Variants in KCNMA1 observed in about 807,000 individuals in gnomAD.
KCNMA1 encodes the protein potassium calcium-activated channel subfamily M alpha 1.
Under a neutral mutation model 140.0 loss-of-function variants are expected in KCNMA1, and 29 were observed. The ratio of observed to expected loss-of-function variants is 0.21; its 90% CI spans 0.15 to 0.28. The LOEUF is 0.28. Ranked by LOEUF, KCNMA1 falls within the 10% of genes least tolerant of loss-of-function variation. KCNMA1 has a pLI of 1.00. For missense variants in KCNMA1, 880 were observed against 1,602.2 expected (o/e 0.55, Z 7.70); for synonymous variants, 612 against 611.9 (o/e 1.00, Z 0.00).
In KCNMA1 at chr10:77,633,070, A is replaced by G. The variant is rs189260193; in HGVS notation, c.378+4195T>C. ...CGTGCCTCACGCCTGTAATCCCAGC[A>G]CTTTGGGAGGCCAAGGTGGGCGAAT... On this transcript the variant is annotated intron_variant, in intron 1 of 27. Coordinates refer to ENST00000286628, the MANE Select transcript of KCNMA1 (RefSeq NM_001161352.2). Among the ~76,000 whole-genome samples, 608 of 152,352 alleles carry G rather than the reference A, an allele frequency of 4.0e-3. 1 individual carries two copies. Among genetic ancestry groups the G allele is most frequent in the Non-Finnish European group, 7.3e-3 (494 of 68,038 alleles).
At chr10:77,502,371 T>G (rs577341231) in intron 1 of KCNMA1, among the ~76,000 whole-genome samples, 1 of 152,354 alleles carries the variant, frequency 6.6e-6, no homozygotes, top group African/African-American at 2.4e-5. Flanking sequence ...CACCCACCTC[T>G]GAATCCACCT....
At chr10:77,086,904 G>T (rs927390471) in intron 10 of KCNMA1, among the ~76,000 whole-genome samples, 1 of 152,338 alleles carries the variant, frequency 6.6e-6, no homozygotes, top group Admixed American at 6.5e-5. Context: ...GCTGGGCTGC[G>T]CCACTAGTGG....
Position 77,135,520 on chromosome 10 carries a change from A to G in KCNMA1, c.809-14472T>C, listed in dbSNP as rs2097993274. Among the ~76,000 whole-genome samples, 4 of 152,214 alleles carry G rather than the reference A, an allele frequency of 2.6e-5. No individual in the cohort carries two copies. In the South Asian group the frequency reaches 8.3e-4, roughly 32 times the overall value. ...TATATATTCAGAGGAAATGAAATCA[A>G]CGTGCTGAAGAGATGTCTGCACTCC... On this transcript the variant is annotated intron_variant, in intron 5 of 27. Coordinates refer to ENST00000286628, the MANE Select transcript of KCNMA1 (RefSeq NM_001161352.2).
chr10:76,916,055 T>C (rs2052742450), intron 23 of KCNMA1, among the ~76,000 whole-genome samples: 1 of 151,810 alleles, frequency 6.6e-6, no homozygotes, highest in South Asian at 2.1e-4. Flanking sequence ...CATACACAAA[T>C]GTATTTATAC....
rs566466444 is a variant in KCNMA1, at chr10:77,371,739, T to G, written c.540+32123A>C. On this transcript the variant is annotated intron_variant, in intron 2 of 27. Transcript: ENST00000286628. ...CACTTCCAGTTCTCCAGCTGGACAC[T>G]CAAGATGTGTCACCACATGGCCCAC... Among the ~76,000 whole-genome samples, 7 of 152,266 alleles carry G rather than the reference T, an allele frequency of 4.6e-5. No individual in the cohort carries two copies. In the South Asian group the frequency reaches 1.5e-3, roughly 32 times the overall value.
At chr10:77,586,301 A>G (rs922587346) in intron 1 of KCNMA1, 5 of 152,230 alleles carry the variant, frequency 3.3e-5, no homozygotes, top group Admixed American at 3.3e-4. Flanking sequence ...AGGGAAAAAC[A>G]AAATGGTTCT....
At chr10:76,882,085 G>A (rs750562156), downstream of KCNMA1, among the ~76,000 whole-genome samples, 7 of 152,196 alleles carry the variant, frequency 4.6e-5, no homozygotes, top group Non-Finnish European at 1.0e-4. Context: ...GGCTCTTGCA[G>A]GGAAGGGCCC....
At chr10:77,123,922 C>A (rs142887148) in intron 5 of KCNMA1, among the ~76,000 whole-genome samples, 71 of 152,262 alleles carry the variant, frequency 4.7e-4, no homozygotes, top group African/African-American at 1.7e-3. Flanking sequence ...CCAGGGAGTG[C>A]AGATGGCACG....
intron 24 of KCNMA1, chr10:76,911,522 G>C (rs1270346636): frequency 1.3e-5 from 2 of 152,196 alleles, no homozygotes; most frequent in Admixed American, 6.5e-5. Flanking sequence ...TCTGTAAAAT[G>C]GGGGAGTTAC....
chr10:77,203,798 A>G (rs2043178689), intron 3 of KCNMA1, among the ~76,000 whole-genome samples: 1 of 152,136 alleles, frequency 6.6e-6, no homozygotes, highest in Non-Finnish European at 1.5e-5. Context: ...TCCCATACCA[A>G]TTCAGAACTT....
At chr10:77,109,262 T>G (rs2097263751) in intron 8 of KCNMA1, among the ~76,000 whole-genome samples, 1 of 152,080 alleles carries the variant, frequency 6.6e-6, no homozygotes, top group Non-Finnish European at 1.5e-5. Flanking sequence ...ATGTGCACAT[T>G]TATATACATT....
chr10:77,508,293 A>ACCT (rs2046866881), intron 1 of KCNMA1, among the ~76,000 whole-genome samples: 1 of 149,872 alleles, frequency 6.7e-6, no homozygotes, highest in South Asian at 2.1e-4. Flanking sequence ...TCCCACCTCA[A>ACCT]CCTCCTAAGT....
At chr10:77,090,854 A>G (rs2096796267) in intron 9 of KCNMA1, 2 of 349,694 alleles carry the variant, frequency 5.7e-6, no homozygotes, top group Non-Finnish European at 1.1e-5. Flanking sequence ...TTGCAGATTC[A>G]TATCTCTCCC....
intron 2 of KCNMA1, among the ~76,000 whole-genome samples, chr10:77,353,106 G>GAGA (rs1225740669): frequency 6.6e-6 from 1 of 152,192 alleles, no homozygotes; most frequent in African/African-American, 2.4e-5. Flanking sequence ...TATTACAGAT[G>GAGA]AGAAGCACAG....
At position 76,928,254 on chromosome 10, in the gene KCNMA1, TAC is replaced by T. The variant is rs57777811; in HGVS notation, c.2903-13207_2903-13206del. ...CACCAGAATTATTTATTCAGAAAAA[TAC>T]ACACACACACACACACACACGAACA... On this transcript the variant is annotated intron_variant, in intron 23 of 27. Transcript: ENST00000286628. Among the ~76,000 whole-genome samples the T allele has an allele frequency of 9.3e-3, 1,350 of 144,390 alleles. 19 individuals carry two copies. Among genetic ancestry groups the T allele is most frequent in the African/African-American group, 0.031 (1,242 of 39,718 alleles). The allele number at this position is 144,390 out of a possible 152,430, so 94.7% of individuals were successfully genotyped here.
At chr10:77,068,038 C>T (rs1240295797) in intron 14 of KCNMA1, among the ~76,000 whole-genome samples, 1 of 152,202 alleles carries the variant, frequency 6.6e-6, no homozygotes, top group Admixed American at 6.5e-5. Context: ...TTTCAGTATA[C>T]TCAAGGGCAA....
At chr10:77,034,121 C>A (rs139964528) in intron 15 of KCNMA1, among the ~76,000 whole-genome samples, 86 of 151,734 alleles carry the variant, frequency 5.7e-4, no homozygotes, top group African/African-American at 2.0e-3. Flanking sequence ...GCACACGTCT[C>A]TAGTCCCAGC....
chr10:77,321,759 A>T (rs966435371), intron 2 of KCNMA1, among the ~76,000 whole-genome samples: 7 of 151,944 alleles, frequency 4.6e-5, no homozygotes, highest in African/African-American at 1.7e-4. Context: ...TTCTTCTGAG[A>T]CTCAAAATAA....
chr10:77,187,920 A>G (rs2098891119), intron 3 of KCNMA1, among the ~76,000 whole-genome samples: 1 of 152,124 alleles, frequency 6.6e-6, no homozygotes, highest in African/African-American at 2.4e-5. Flanking sequence ...TCATTCCCCA[A>G]ATGGAAACAA....
Sources: allele counts gnomAD v4.1 joint callset (sites outside exome capture counted in the v4.1 genomes callset), GRCh38; gene constraint gnomAD v4.1.1; transcripts MANE v1.5; gene names NCBI Gene and HGNC (gene_info 2026-07-23, HGNC 2026-07-21).